Variants in ZNF385B observed in about 807,000 individuals in gnomAD.
The protein encoded by ZNF385B is zinc finger protein 533.
In ZNF385B, 23 loss-of-function variants were observed where a neutral mutation model predicts 39.2. The observed-to-expected ratio is 0.59, with a 90% CI of 0.42 to 0.83. The LOEUF is 0.83. Among genes scored for constraint, ZNF385B ranks in the 40% least tolerant of loss-of-function variants. ZNF385B has a pLI of 0.00. For missense variants in ZNF385B, 552 were observed against 598.9 expected, an observed-to-expected ratio of 0.92 and a Z score of 0.82; for synonymous variants, 205 against 222.6, an observed-to-expected ratio of 0.92 and a Z score of 0.70.
chr2:179,578,630 G>A (rs1686123452), intron 3 of ZNF385B, among the ~76,000 whole-genome samples: 1 of 152,048 alleles, frequency 6.6e-6, no homozygotes, highest in African/African-American at 2.4e-5. Context: ...ATTATTAATT[G>A]CCAATCATGA....
At chr2:179,787,610 T>C (rs376331554) in intron 1 of ZNF385B, among the ~76,000 whole-genome samples, 5 of 152,190 alleles carry the variant, frequency 3.3e-5, no homozygotes, top group Admixed American at 3.3e-4. Flanking sequence ...TGAAAGCTTC[T>C]TGTTAGACAC....
chr2:179,619,261 A>G (rs1172580498), intron 3 of ZNF385B, among the ~76,000 whole-genome samples: 3 of 152,210 alleles, frequency 2.0e-5, no homozygotes, highest in African/African-American at 7.2e-5. Flanking sequence ...CATGAAGCTG[A>G]TAATAGCCAA....
chr2:179,778,866 A>T (rs1187583659), intron 1 of ZNF385B, among the ~76,000 whole-genome samples: 1 of 152,228 alleles, frequency 6.6e-6, no homozygotes, highest in Non-Finnish European at 1.5e-5. Context: ...CAACAAAAAA[A>T]GGTGAACCAC....
chr2:179,843,645 T>C (rs1300078183), intron 1 of ZNF385B, among the ~76,000 whole-genome samples: 1 of 152,194 alleles, frequency 6.6e-6, no homozygotes, highest in Admixed American at 6.5e-5. Context: ...TCACCATTCA[T>C]TGTCTTCATT....
At chr2:179,770,166 T>G (rs1703932391) in intron 2 of ZNF385B, among the ~76,000 whole-genome samples, 1 of 152,156 alleles carries the variant, frequency 6.6e-6, no homozygotes, top group Non-Finnish European at 1.5e-5. Flanking sequence ...CAAGGCAAGA[T>G]CTGGTTATAT....
chr2:179,632,738 C>G (rs911812414), intron 3 of ZNF385B, among the ~76,000 whole-genome samples: 16 of 151,986 alleles, frequency 1.1e-4, no homozygotes, highest in Non-Finnish European at 1.8e-4. Flanking sequence ...ACAAAAAAAC[C>G]CTTCAAAAAA....
intron 1 of ZNF385B, among the ~76,000 whole-genome samples, chr2:179,808,138 T>C (rs192328239): frequency 6.6e-6 from 1 of 151,986 alleles, no homozygotes; most frequent in Non-Finnish European, 1.5e-5. Context: ...GTTCACGCCA[T>C]TCTCCTGCCT....
At chr2:179,616,027 T>C (rs1689703225) in intron 3 of ZNF385B, among the ~76,000 whole-genome samples, 1 of 152,208 alleles carries the variant, frequency 6.6e-6, no homozygotes, top group Admixed American at 6.5e-5. Context: ...TTTAATCATC[T>C]TGGAGATCTG....
At chr2:179,530,192 C>A (rs1489340934) in intron 4 of ZNF385B, among the ~76,000 whole-genome samples, 1 of 152,042 alleles carries the variant, frequency 6.6e-6, no homozygotes, top group South Asian at 2.1e-4. Context: ...TGAAAACAAT[C>A]CCCAAAATTG....
rs1180670925 is a variant in ZNF385B at position 179,445,106 on chromosome 2, A to G, written c.1141-129T>C. On this transcript the variant is annotated intron_variant, in intron 8 of 9. Coordinates refer to ENST00000410066, the MANE Select transcript of ZNF385B (RefSeq NM_152520.6). ...GTTCCACGATGGTGTGGGTAAAATCATTATGATTTCTAAATTAAGACTTAG... is the reference window on the plus strand; with the variant it reads ...GTTCCACGATGGTGTGGGTAAAATCGTTATGATTTCTAAATTAAGACTTAG... 3.1e-5 allele frequency: 24 copies of G among 770,212 alleles called. No individual in the cohort carries two copies. The South Asian group carries it at 3.2e-4, about 10-fold the overall frequency. The allele number at this position is 770,212 out of a possible 1,614,324, so 47.7% of individuals were successfully genotyped here.
chr2:179,709,211 G>A (rs957983816), intron 3 of ZNF385B, among the ~76,000 whole-genome samples: 1 of 152,168 alleles, frequency 6.6e-6, no homozygotes, highest in African/African-American at 2.4e-5. Context: ...ACCCTGAGCG[G>A]GTATGTGTTT....
intron 3 of ZNF385B, among the ~76,000 whole-genome samples, chr2:179,634,652 T>C (rs1449970322): frequency 6.6e-6 from 1 of 152,206 alleles, no homozygotes; most frequent in Non-Finnish European, 1.5e-5. Context: ...TGGCGATTCC[T>C]CAAGGATCTA....
chr2:179,469,153 T>A (rs2105510363), intron 6 of ZNF385B, among the ~76,000 whole-genome samples: 1 of 152,264 alleles, frequency 6.6e-6, no homozygotes, highest in African/African-American at 2.4e-5. Context: ...TCTTTTTGCT[T>A]CTTTCTTAAT....
At position 179,479,260 on chromosome 2, in the gene ZNF385B, C is replaced by T. The variant is rs567326608; in HGVS notation, c.715+4012G>A. Among the ~76,000 whole-genome samples, 8 of 152,170 alleles carry T rather than the reference C, an allele frequency of 5.3e-5. No homozygotes were observed. The East Asian group carries it at 9.7e-4, about 18-fold the overall frequency. On this transcript the variant is annotated intron_variant, in intron 6 of 9. Coordinates refer to ENST00000410066, the MANE Select transcript of ZNF385B (RefSeq NM_152520.6). ...AGAACTTCTTATGATAAATGCAATT[C>T]ATGCTATTATAGTTTAAACCCATTT...
intron 3 of ZNF385B, among the ~76,000 whole-genome samples, chr2:179,734,459 G>A (rs1701610900): frequency 6.6e-6 from 1 of 152,136 alleles, no homozygotes; most frequent in Non-Finnish European, 1.5e-5. Flanking sequence ...CTACCATACG[G>A]TTTGATCTTA....
chr2:179,612,516 T>C (rs1689373458), intron 3 of ZNF385B, among the ~76,000 whole-genome samples: 1 of 152,038 alleles, frequency 6.6e-6, no homozygotes, highest in Non-Finnish European at 1.5e-5. Context: ...TTGGATAAGA[T>C]GTAAAAGAAT....
At chr2:179,792,273 T>C (rs1705375735) in intron 1 of ZNF385B, among the ~76,000 whole-genome samples, 1 of 152,232 alleles carries the variant, frequency 6.6e-6, no homozygotes, top group Admixed American at 6.5e-5. Context: ...TTATTTTTAT[T>C]ATAGTTACCA....
chr2:179,612,956 T>A (rs1228376243), intron 3 of ZNF385B, among the ~76,000 whole-genome samples: 1 of 152,110 alleles, frequency 6.6e-6, no homozygotes, highest in Admixed American at 6.5e-5. Context: ...AAGAAAAAAA[T>A]CTTTCCCATT....
intron 6 of ZNF385B, among the ~76,000 whole-genome samples, chr2:179,469,155 T>C (rs2052454288): frequency 6.6e-6 from 1 of 152,170 alleles, no homozygotes; most frequent in Non-Finnish European, 1.5e-5. Flanking sequence ...TTTTTGCTTC[T>C]TTCTTAATAA....
Sources: allele counts gnomAD v4.1 joint callset (sites outside exome capture counted in the v4.1 genomes callset), GRCh38; gene constraint gnomAD v4.1.1; transcripts MANE v1.5; gene names NCBI Gene and HGNC (gene_info 2026-07-23, HGNC 2026-07-21).